SLC25A16: variants seen among roughly 807,000 people sequenced by gnomAD.
SLC25A16 encodes the protein solute carrier family 25 member 16, also known as mitochondrial coenzyme A transporter SLC25A16.
Under a neutral mutation model 41.5 loss-of-function variants are expected in SLC25A16, and 39 were observed. The observed-to-expected ratio is 0.94, with a 90% CI of 0.73 to 1.23. The LOEUF is 1.23. Ranked by LOEUF, SLC25A16 falls within the 50% of genes most tolerant of loss-of-function variation. The pLI is 0.00. For synonymous variants in SLC25A16, 146 were observed against 147.8 expected (o/e 0.99, Z 0.09); for missense variants, 421 against 426.9 (o/e 0.99, Z 0.12).
chr10:68,526,286 T>C (rs566137769), intron 1 of SLC25A16, among the ~76,000 whole-genome samples: 3 of 152,226 alleles, frequency 2.0e-5, no homozygotes, highest in Admixed American at 6.6e-5. Context: ...GCAATACTGC[T>C]TTGTAAAGCA....
At chr10:68,494,816 T>A (rs1590101133) in intron 4 of SLC25A16, among the ~76,000 whole-genome samples, 1 of 148,760 alleles carries the variant, frequency 6.7e-6, no homozygotes, top group African/African-American at 2.5e-5. Context: ...GAGGCGGAGG[T>A]TGCAGTGAGC....
rs2052467708 is a variant in SLC25A16, at chr10:68,480,010, T to TACA, written c.*3421_*3422insTGT. 4 of 133,860 alleles carry TACA rather than the reference T, an allele frequency of 3.0e-5. No individual in the cohort carries two copies. Among genetic ancestry groups the TACA allele is most frequent in the Admixed American group, 2.4e-4 (3 of 12,708 alleles). The allele number at this position is 133,860 out of a possible 1,614,324, so 8.3% of individuals were successfully genotyped here. A position where few individuals can be genotyped will look rare whatever the true frequency, so the allele number is the denominator to read the frequency against. ...TGGGTGACAGAGTTAAGACTCTCGT[T>TACA]AAAAAAAAAAAAAAAAGAATGTAAT... On this transcript the variant is annotated 3_prime_UTR_variant, in exon 9 of 9. Coordinates refer to ENST00000609923, the MANE Select transcript of SLC25A16 (RefSeq NM_152707.4).
chr10:68,485,176 G>A (rs2052538229), intron 8 of SLC25A16, among the ~76,000 whole-genome samples: 1 of 152,062 alleles, frequency 6.6e-6, no homozygotes, highest in African/African-American at 2.4e-5. Context: ...TGCAACCTCC[G>A]TCTCCTGGGC....
intron 1 of SLC25A16, among the ~76,000 whole-genome samples, chr10:68,526,475 G>A (rs968110807): frequency 7.2e-5 from 11 of 152,028 alleles, no homozygotes; most frequent in African/African-American, 2.4e-4. Flanking sequence ...AATACTAAGG[G>A]AACTCAGAGG....
intron 4 of SLC25A16, among the ~76,000 whole-genome samples, chr10:68,495,728 G>C (rs1394649442): frequency 1.4e-5 from 2 of 144,582 alleles, no homozygotes; most frequent in Non-Finnish European, 3.0e-5. Flanking sequence ...ATTGCAGTGA[G>C]CCGAGATCAT....
At chr10:68,523,312 C>T (rs1363962720) in intron 1 of SLC25A16, among the ~76,000 whole-genome samples, 1 of 151,762 alleles carries the variant, frequency 6.6e-6, no homozygotes, top group Non-Finnish European at 1.5e-5. Flanking sequence ...AGGCTGGTCT[C>T]CAACTCATTA....
At chr10:68,520,371 G>A (rs1363388129) in intron 1 of SLC25A16, among the ~76,000 whole-genome samples, 2 of 152,048 alleles carry the variant, frequency 1.3e-5, no homozygotes, top group African/African-American at 2.4e-5. Context: ...ATATTAGATA[G>A]ACAATCTGTA....
intron 4 of SLC25A16, chr10:68,503,392 C>T (rs528415026): frequency 8.9e-4 from 314 of 353,856 alleles, no homozygotes; most frequent in Non-Finnish European, 1.0e-3. Flanking sequence ...AGTTGGCGTA[C>T]TGATAATTTC....
chr10:68,495,418 AAATAAT>A lies in SLC25A16; in HGVS notation c.422-1854_422-1849del, dbSNP rs1036038153. Among the ~76,000 whole-genome samples, 5 of 152,026 alleles carry A rather than the reference AAATAAT, an allele frequency of 3.3e-5. No homozygotes were observed. The South Asian group carries it at 1.0e-3, about 32-fold the overall frequency. On this transcript the variant is annotated intron_variant, in intron 4 of 8. Transcript: ENST00000609923. ...TGACACAGCCAGACTCTGTCTCAAA[AAATAAT>A]AATAATAAACTATTAACTTTTGACT...
intron 6 of SLC25A16, among the ~76,000 whole-genome samples, chr10:68,489,210 G>A (rs1037942308): frequency 2.6e-5 from 4 of 152,144 alleles, no homozygotes; most frequent in South Asian, 2.1e-4. Context: ...CGGAGTTTGC[G>A]GTGAGCTGAG....
chr10:68,491,636 G>C lies in SLC25A16; in HGVS notation c.610+1496C>G, dbSNP rs574186370. Among the ~76,000 whole-genome samples the C allele has an allele frequency of 2.6e-5, 4 of 152,112 alleles. No individual in the cohort carries two copies. In the South Asian group the frequency reaches 8.3e-4, roughly 31 times the overall value. Reference sequence around the variant, plus strand: ...TCCTACACTAGGCCCTAACAGACCAGACTAAAAATCAAAACAGAGTCACCA... The same window carrying C: ...TCCTACACTAGGCCCTAACAGACCACACTAAAAATCAAAACAGAGTCACCA... On this transcript the variant is annotated intron_variant, in intron 6 of 8. Transcript: ENST00000609923.
At position 68,493,512 on chromosome 10, in the gene SLC25A16, G is replaced by C. The variant is rs777119421; in HGVS notation, c.480C>G (p.Phe160Leu). 1.2e-6 allele frequency: 2 copies of C among 1,612,864 alleles called. No individual in the cohort carries two copies. Among genetic ancestry groups the C allele is most frequent in the African/African-American group, 2.7e-5 (2 of 74,898 alleles). Residue 160 changes from phenylalanine to leucine, a missense_variant, in exon 5 of 9, where the codon TTC (phenylalanine) becomes TTG (leucine). Phe to Leu is a conservative substitution (Grantham distance 22, BLOSUM62 0). Transcript: ENST00000609923. The part of the protein sequence containing the change: ...PLDMVRVRLA[F>L]QVKGEHSYTG... ...TATAGCTGTGTTCCCCTTTCACCTG[G>C]AATGCTAGGCGGACCCTAACCATGT...
chr10:68,519,228 C>A (rs905499650), intron 1 of SLC25A16, among the ~76,000 whole-genome samples: 5 of 151,948 alleles, frequency 3.3e-5, no homozygotes, highest in Non-Finnish European at 7.4e-5. Flanking sequence ...GTGGCTCATG[C>A]CTGTAATCCC....
chr10:68,520,748 G>C (rs1286512507), intron 1 of SLC25A16, among the ~76,000 whole-genome samples: 1 of 148,274 alleles, frequency 6.7e-6, no homozygotes, highest in Non-Finnish European at 1.5e-5. Flanking sequence ...GGAGGCAGAG[G>C]TTGCAGTGAT....
chr10:68,523,979 T>C (rs1195109776), intron 1 of SLC25A16, among the ~76,000 whole-genome samples: 2 of 151,748 alleles, frequency 1.3e-5, no homozygotes, highest in Non-Finnish European at 2.9e-5. Context: ...CTCACGCCTG[T>C]AATCCCACCA....
intron 1 of SLC25A16, among the ~76,000 whole-genome samples, chr10:68,524,292 G>GTGAGAGTAAGA: frequency 8.6e-6 from 1 of 116,592 alleles, no homozygotes; most frequent in Non-Finnish European, 1.7e-5. Context: ...TCCAGCCTGG[G>GTGAGAGTAAGA]CAACAGAAAC....
chr10:68,501,530 AGAG>A (rs532187153), intron 4 of SLC25A16, among the ~76,000 whole-genome samples: 61 of 148,144 alleles, frequency 4.1e-4, no homozygotes, highest in African/African-American at 1.4e-3. Context: ...AAGGAGAGAA[AGAG>A]GAGAAGAGGA....
chr10:68,483,035 T>C lies in SLC25A16; in HGVS notation c.*397A>G. The C allele has an allele frequency of 6.5e-6, 1 of 153,770 alleles. No individual in the cohort carries two copies. 9.5% of individuals were successfully genotyped at this position (153,770 alleles called of 1,614,324 possible). A position where few individuals can be genotyped will look rare whatever the true frequency, so the allele number is the denominator to read the frequency against. On this transcript the variant is annotated 3_prime_UTR_variant, in exon 9 of 9. Transcript: ENST00000609923. ...CAATTCTCATTATTCTATTGCAATATAACCAACCCTGTTTATTTTAATAAT... is the reference window on the plus strand; with the variant it reads ...CAATTCTCATTATTCTATTGCAATACAACCAACCCTGTTTATTTTAATAAT...
Position 68,481,314 on chromosome 10 carries a change from C to T in SLC25A16, c.*2118G>A, listed in dbSNP as rs542016437. On this transcript the variant is annotated 3_prime_UTR_variant, in exon 9 of 9. Transcript: ENST00000609923. ...ACACATGTATTTCTACCTACTGGTA[C>T]ACTTATAAATCATACAAAGATACAT... The T allele has an allele frequency of 6.6e-6, 1 of 151,882 alleles. No individual in the cohort carries two copies. The highest frequency in any genetic ancestry group is 6.6e-5 in the Admixed American group (1 of 15,252). The allele number at this position is 151,882 out of a possible 1,614,324, so 9.4% of individuals were successfully genotyped here.
Sources: allele counts gnomAD v4.1 joint callset (sites outside exome capture counted in the v4.1 genomes callset), GRCh38; gene constraint gnomAD v4.1.1; transcripts MANE v1.5; gene names NCBI Gene and HGNC (gene_info 2026-07-23, HGNC 2026-07-21).